The following ALG5 variants were observed in gnomAD, a reference collection of about 807,000 sequenced individuals.
ALG5 encodes the protein dolichyl-phosphate beta-glucosyltransferase.
Under a neutral mutation model 51.8 loss-of-function variants are expected in ALG5, and 26 were observed. The ratio of observed to expected loss-of-function variants is 0.50; its 90% CI spans 0.37 to 0.70. The LOEUF (loss-of-function observed/expected upper bound fraction) is 0.70. Ranked by LOEUF, ALG5 falls within the 30% of genes least tolerant of loss-of-function variation. ALG5 has a pLI of 0.00. For synonymous variants in ALG5, 141 were observed against 136.1 expected (o/e 1.04, Z -0.25); for missense variants, 311 against 399.3 (o/e 0.78, Z 1.88).
intron 3 of ALG5, 46 bp from the exon 4 acceptor site, chr13:36,993,718 TA>T: frequency 1.4e-6 from 2 of 1,451,614 alleles, no homozygotes; most frequent in Middle Eastern, 2.2e-4. Flanking sequence ...ATAACTGCCA[TA>T]AAGTATTCTA....
intron 8 of ALG5, among the ~76,000 whole-genome samples, chr13:36,964,021 C>T (rs376390830): frequency 1.3e-5 from 2 of 151,934 alleles, no homozygotes; most frequent in East Asian, 1.9e-4. Flanking sequence ...ATGCTTTAAT[C>T]GAGAAAAAGA....
intron 8 of ALG5, among the ~76,000 whole-genome samples, chr13:36,962,686 G>A (rs1266078497): frequency 1.3e-5 from 2 of 151,964 alleles, no homozygotes; most frequent in African/African-American, 4.8e-5. Flanking sequence ...AGGCTTGCAT[G>A]TAACATTAAC....
chr13:36,977,213 A>T (rs923831533), intron 6 of ALG5, among the ~76,000 whole-genome samples: 1 of 152,244 alleles, frequency 6.6e-6, no homozygotes, highest in African/African-American at 2.4e-5. Flanking sequence ...TTCTTCAGAA[A>T]TGAAAGATAT....
intron 6 of ALG5, among the ~76,000 whole-genome samples, chr13:36,975,905 C>T (rs1165194007): frequency 6.6e-6 from 1 of 151,538 alleles, no homozygotes; most frequent in Non-Finnish European, 1.5e-5. Context: ...CCTGTAGTCC[C>T]AGCTACTCGG....
intron 6 of ALG5, among the ~76,000 whole-genome samples, chr13:36,973,337 G>A (rs2058935197): frequency 6.6e-6 from 1 of 152,090 alleles, no homozygotes; most frequent in South Asian, 2.1e-4. Flanking sequence ...CATACACAAA[G>A]CCATATGAGT....
intron 5 of ALG5, 138 bp downstream of exon 5, chr13:36,989,345 CA>C (rs2059015690): frequency 1.6e-6 from 1 of 619,850 alleles, no homozygotes. Flanking sequence ...TGACTAAAAA[CA>C]TGAAGTTATT....
intron 6 of ALG5, among the ~76,000 whole-genome samples, chr13:36,978,919 T>TAAAAAA (rs371750658): frequency 7.4e-6 from 1 of 135,328 alleles, no homozygotes. Context: ...TGGTCTCAAT[T>TAAAAAA]AAAAAAAAAA....
chr13:36,958,198 A>AC (rs745916320), intron 8 of ALG5, among the ~76,000 whole-genome samples: 3 of 150,666 alleles, frequency 2.0e-5, no homozygotes, highest in Non-Finnish European at 4.4e-5. Flanking sequence ...CTCTCACCGC[A>AC]CCCCCTCCAT....
intron 7 of ALG5, among the ~76,000 whole-genome samples, chr13:36,966,294 C>A (rs900046034): frequency 6.6e-6 from 1 of 152,134 alleles, no homozygotes; most frequent in Non-Finnish European, 1.5e-5. Context: ...ATATTGAGTT[C>A]TTTAATACTT....
intron 1 of ALG5, 118 bp downstream of exon 1, chr13:36,999,117 T>C (rs900684978): frequency 1.1e-6 from 1 of 907,848 alleles, no homozygotes; most frequent in Non-Finnish European, 1.5e-6. Flanking sequence ...TGGGGGAATC[T>C]AGGGGAAAAG....
At chr13:36,982,297 C>T (rs1250334002) in intron 6 of ALG5, among the ~76,000 whole-genome samples, 1 of 152,200 alleles carries the variant, frequency 6.6e-6, no homozygotes, top group Non-Finnish European at 1.5e-5. Context: ...TCTAGAGGAA[C>T]TTCACAGCTG....
intron 6 of ALG5, among the ~76,000 whole-genome samples, chr13:36,973,074 T>C (rs1002796095): frequency 6.8e-6 from 1 of 147,680 alleles, no homozygotes. Flanking sequence ...CTGGACAAGC[T>C]GATTTTAGAC....
chr13:36,981,280 C>T (rs905899655), intron 6 of ALG5, among the ~76,000 whole-genome samples: 1 of 151,708 alleles, frequency 6.6e-6, no homozygotes, highest in Non-Finnish European at 1.5e-5. Flanking sequence ...CACTGTAAAA[C>T]GTACTAAAGA....
At chr13:36,982,867 A>C (rs1032996492) in intron 6 of ALG5, among the ~76,000 whole-genome samples, 1 of 152,200 alleles carries the variant, frequency 6.6e-6, no homozygotes, top group Non-Finnish European at 1.5e-5. Context: ...AATTCAATTG[A>C]GCTGGGACAC....
chr13:36,996,045 C>T (rs7989205), intron 1 of ALG5, among the ~76,000 whole-genome samples: 125,234 of 152,168 alleles, frequency 0.82, 52,409 homozygotes, highest in East Asian at 1. Context: ...TTGGAACATG[C>T]GGGGTGAGGG....
chr13:36,959,479 C>CA (rs1038981388), intron 8 of ALG5, among the ~76,000 whole-genome samples: 12 of 151,868 alleles, frequency 7.9e-5, no homozygotes, highest in Non-Finnish European at 1.3e-4. Flanking sequence ...TGTCAATTTA[C>CA]AAAAAATTAG....
At chr13:36,966,654 C>T (rs773647190) in intron 7 of ALG5, among the ~76,000 whole-genome samples, 9 of 152,228 alleles carry the variant, frequency 5.9e-5, no homozygotes, top group Admixed American at 6.5e-5. Context: ...GGATCACAGG[C>T]GTGTGCCACT....
At chr13:36,992,815 C>A (rs187622714) in intron 4 of ALG5, among the ~76,000 whole-genome samples, 1 of 152,172 alleles carries the variant, frequency 6.6e-6, no homozygotes, top group Non-Finnish European at 1.5e-5. Context: ...CTTAACTTAG[C>A]GAAAACTGGT....
chr13:36,980,873 C>T (rs1232543894), intron 6 of ALG5, among the ~76,000 whole-genome samples: 1 of 152,056 alleles, frequency 6.6e-6, no homozygotes, highest in African/African-American at 2.4e-5. Flanking sequence ...ACTCGGGAGG[C>T]TGAGGCACGA....
Sources: allele counts gnomAD v4.1 joint callset (sites outside exome capture counted in the v4.1 genomes callset), GRCh38; gene constraint gnomAD v4.1.1; transcripts MANE v1.5; gene names NCBI Gene and HGNC (gene_info 2026-07-23, HGNC 2026-07-21).